MCC: variants seen among roughly 807,000 people sequenced by gnomAD.
MCC encodes the protein colorectal mutant cancer protein.
In MCC, 90 loss-of-function variants were observed where a neutral mutation model predicts 116.2. The observed-to-expected ratio is 0.77, with a 90% confidence interval of 0.65 to 0.92. The LOEUF is 0.92. Among genes scored for constraint, MCC ranks in the 40% least tolerant of loss-of-function variants. The pLI is 0.00. For missense variants in MCC, 1,516 were observed against 1,312.2 expected (o/e 1.16, Z -2.40); for synonymous variants, 578 against 510.5 (o/e 1.13, Z -1.78).
At chr5:113,110,479 T>C (rs1009775830) in intron 6 of MCC, among the ~76,000 whole-genome samples, 4 of 152,262 alleles carry the variant, frequency 2.6e-5, no homozygotes, top group African/African-American at 4.8e-5. Context: ...CGGTACTTCA[T>C]ACGTGGTGTG....
chr5:113,438,887 A>C (rs1770946906), intron 1 of MCC, among the ~76,000 whole-genome samples: 1 of 152,212 alleles, frequency 6.6e-6, no homozygotes, highest in Non-Finnish European at 1.5e-5. Context: ...CTGATTTTGC[A>C]GTAAATTGCC....
intron 3 of MCC, among the ~76,000 whole-genome samples, chr5:113,252,101 T>C (rs185164668): frequency 6.6e-6 from 1 of 152,314 alleles, no homozygotes; most frequent in East Asian, 1.9e-4. Context: ...ATCCCTGACG[T>C]CCTGCCAACA....
intron 14 of MCC, among the ~76,000 whole-genome samples, chr5:113,058,999 A>G (rs1470091815): frequency 6.6e-6 from 1 of 152,158 alleles, no homozygotes; most frequent in East Asian, 1.9e-4. Context: ...GGACTTGAGA[A>G]ATCACCTAGC....
intron 17 of MCC, among the ~76,000 whole-genome samples, chr5:113,036,497 G>A (rs539887852): frequency 6.6e-6 from 1 of 152,320 alleles, no homozygotes; most frequent in Admixed American, 6.5e-5. Flanking sequence ...CTGCTTAACA[G>A]TGCAGCCCTG....
chr5:113,111,004 C>G (rs905785327), intron 6 of MCC, among the ~76,000 whole-genome samples: 1 of 152,172 alleles, frequency 6.6e-6, no homozygotes, highest in Non-Finnish European at 1.5e-5. Context: ...CGCCTCCACC[C>G]AAGTCCATGG....
In MCC at chr5:113,085,239, G is replaced by T. The variant is rs1255922894; in HGVS notation, c.1470C>A (p.Ser490=). 6.2e-7 allele frequency: 1 copy of T among 1,614,152 alleles called. No individual in the cohort carries two copies. The change falls in exon 9 of 19, where the codon TCC becomes TCA. Residue 490 remains serine (S), a synonymous_variant. Transcript: ENST00000408903. ...TGCTGGGGTTAATCGGGCGGTTGGT[G>T]GAAGTGAGGCGGCCAGGGCTGGAGG... The part of the protein sequence containing the change: ...TGPSSPGRLT[S]TNRPINPSTG...
chr5:113,345,099 T>C (rs1361803361), intron 2 of MCC, among the ~76,000 whole-genome samples: 5 of 152,026 alleles, frequency 3.3e-5, no homozygotes, highest in African/African-American at 1.2e-4. Context: ...CTTTGCACTT[T>C]AAGGGAACAT....
In MCC at chr5:113,453,398, C is replaced by T. The variant is rs1357435743; in HGVS notation, c.170+34847G>A. Among the ~76,000 whole-genome samples the T allele has an allele frequency of 3.9e-5, 6 of 152,062 alleles. 1 individual carries two copies. In the East Asian group the frequency reaches 1.2e-3, roughly 29 times the overall value. On this transcript the variant is annotated intron_variant, in intron 1 of 18. Transcript: ENST00000408903. ...AAAATTAAGTTCAAAACTTTGTTTT[C>T]CAGATTCTCACAAATCTCTTGAAGT...
chr5:113,394,468 G>A (rs7734304), intron 1 of MCC, among the ~76,000 whole-genome samples: 66,558 of 151,980 alleles, frequency 0.44, 15,986 homozygotes, highest in African/African-American at 0.63. Flanking sequence ...GCCCATCAGA[G>A]CATAGCTGGG....
chr5:113,294,343 C>T, intron 3 of MCC: 1 of 1,613,778 alleles, frequency 6.2e-7, no homozygotes, highest in South Asian at 1.1e-5. Context: ...CTCAGCTCGG[C>T]CGAGGAGTCG....
intron 12 of MCC, among the ~76,000 whole-genome samples, chr5:113,069,664 G>A (rs1176582478): frequency 6.6e-6 from 1 of 152,162 alleles, no homozygotes; most frequent in Admixed American, 6.5e-5. Context: ...CGCCTCCCAG[G>A]TTCACGCCAT....
chr5:113,078,812 A>C (rs1581007248), intron 11 of MCC, among the ~76,000 whole-genome samples: 2 of 152,216 alleles, frequency 1.3e-5, no homozygotes, highest in East Asian at 3.8e-4. Context: ...TGGCCAGGGC[A>C]ATGAGGCAGG....
intron 3 of MCC, among the ~76,000 whole-genome samples, chr5:113,334,187 T>C (rs972463753): frequency 6.7e-6 from 1 of 148,420 alleles, no homozygotes; most frequent in Non-Finnish European, 1.5e-5. Flanking sequence ...TTTTAGAATA[T>C]TTATATATAT....
At chr5:113,256,553 G>A (rs948762019) in intron 3 of MCC, among the ~76,000 whole-genome samples, 2 of 152,108 alleles carry the variant, frequency 1.3e-5, no homozygotes, top group Non-Finnish European at 2.9e-5. Flanking sequence ...GATAAAACAT[G>A]GCATATTCAA....
intron 14 of MCC, among the ~76,000 whole-genome samples, chr5:113,058,330 T>C (rs1272903524): frequency 6.6e-6 from 1 of 152,210 alleles, no homozygotes; most frequent in Non-Finnish European, 1.5e-5. Flanking sequence ...CCCAGCAGTT[T>C]TCCAAGAGGG....
At chr5:113,348,470 G>T (rs1031984052) in intron 2 of MCC, among the ~76,000 whole-genome samples, 1 of 151,892 alleles carries the variant, frequency 6.6e-6, no homozygotes, top group Admixed American at 6.6e-5. Flanking sequence ...ATAACCAGTG[G>T]GTCAATGAAG....
At chr5:113,097,638 C>A (rs10045658) in intron 8 of MCC, among the ~76,000 whole-genome samples, 69,328 of 151,994 alleles carry the variant, frequency 0.46, 17,372 homozygotes, top group African/African-American at 0.69. Context: ...CCAGCTCAGA[C>A]GGGACTATGG....
chr5:113,227,293 G>A (rs1421218241), intron 3 of MCC, among the ~76,000 whole-genome samples: 10 of 151,708 alleles, frequency 6.6e-5, no homozygotes, highest in South Asian at 2.1e-4. Context: ...CAAAGAATAC[G>A]TTTCACAGTA....
intron 2 of MCC, among the ~76,000 whole-genome samples, chr5:113,369,892 C>G (rs979059485): frequency 8.5e-5 from 13 of 152,286 alleles, no homozygotes; most frequent in Admixed American, 5.9e-4. Context: ...CAAAATCTCT[C>G]TCTTGTCTGT....
Sources: allele counts gnomAD v4.1 joint callset (sites outside exome capture counted in the v4.1 genomes callset), GRCh38; gene constraint gnomAD v4.1.1; transcripts MANE v1.5; gene names NCBI Gene and HGNC (gene_info 2026-07-23, HGNC 2026-07-21).